PTPRZ1: variants seen among roughly 807,000 people sequenced by gnomAD.
PTPRZ1 encodes protein tyrosine phosphatase receptor type Z1.
Under a neutral mutation model 214.1 loss-of-function variants are expected in PTPRZ1, and 82 were observed. The observed-to-expected ratio is 0.38, with a 90% CI of 0.32 to 0.46. The LOEUF (loss-of-function observed/expected upper bound fraction) is 0.46. Ranked by LOEUF, PTPRZ1 falls within the 20% of genes least tolerant of loss-of-function variation. The probability of loss-of-function intolerance (pLI) is 1.00; values close to 1 mark genes in which losing one functional copy is unlikely to be tolerated. For synonymous variants in PTPRZ1, 945 were observed against 987.9 expected (o/e 0.96, Z 0.81); for missense variants, 2,603 against 2,748.7 (o/e 0.95, Z 1.19).
intron 3 of PTPRZ1, among the ~76,000 whole-genome samples, chr7:121,971,205 G>C (rs1797235485): frequency 6.6e-6 from 1 of 152,032 alleles, no homozygotes; most frequent in Non-Finnish European, 1.5e-5. Context: ...GGGAACCTCT[G>C]CTTTATTATA....
At chr7:122,032,326 A>T (rs952567521) in intron 15 of PTPRZ1, among the ~76,000 whole-genome samples, 2 of 152,208 alleles carry the variant, frequency 1.3e-5, no homozygotes, top group African/African-American at 4.8e-5. Context: ...TATTATTTCT[A>T]TTCATATTAT....
At chr7:121,881,196 A>C (rs1357705963) in intron 1 of PTPRZ1, among the ~76,000 whole-genome samples, 3 of 152,246 alleles carry the variant, frequency 2.0e-5, no homozygotes, top group African/African-American at 7.2e-5. Flanking sequence ...ATGTAAAGAC[A>C]CAGCAAGAAG....
chr7:121,927,110 G>A (rs1490713587), intron 1 of PTPRZ1, among the ~76,000 whole-genome samples: 1 of 152,044 alleles, frequency 6.6e-6, no homozygotes, highest in Non-Finnish European at 1.5e-5. Flanking sequence ...ATCCAATAGA[G>A]AAAACAAATG....
rs375326217 is a variant in PTPRZ1, at chr7:121,983,929, T to C, written c.778-38T>C. On this transcript the variant is annotated intron_variant, in intron 7 of 29. Coordinates refer to ENST00000393386, the MANE Select transcript of PTPRZ1 (RefSeq NM_002851.3). ...ATTTTAAAGCATTTACCAATGCCTT[T>C]GAAGCAGATATGTTAAATTATTTGA... is the stretch of plus-strand genomic sequence containing the variant. The C allele has an allele frequency of 1.9e-6, 3 of 1,603,694 alleles. No homozygotes were observed. The African/African-American group carries it at 4.0e-5, about 22-fold the overall frequency.
rs1365503014 is a variant in PTPRZ1, at chr7:121,967,958, G to A, written c.132G>A (p.Leu44=). ...EEIGWSYTGA[L]NQKNWGKKYP... is the part of the protein sequence containing the mutation. ...ACTCCTTCTTTTCCCTAGGAGCACTGAATCAAAAAAATTGGGGAAAGAAAT... is the reference window on the plus strand; with the variant it reads ...ACTCCTTCTTTTCCCTAGGAGCACTAAATCAAAAAAATTGGGGAAAGAAAT... The change falls in exon 3 of 30, where the codon CTG becomes CTA. Residue 44 remains leucine (L), a synonymous_variant. Transcript: ENST00000393386. The A allele has an allele frequency of 2.5e-6, 4 of 1,570,638 alleles. No individual in the cohort carries two copies. Among genetic ancestry groups the A allele is most frequent in the Non-Finnish European group, 3.5e-6 (4 of 1,149,478 alleles).
chr7:122,001,100 T>C (rs1798309406), intron 10 of PTPRZ1, among the ~76,000 whole-genome samples: 1 of 152,186 alleles, frequency 6.6e-6, no homozygotes, highest in Admixed American at 6.5e-5. Flanking sequence ...GCTTACATTA[T>C]TCTTTGTACC....
chr7:121,919,769 G>A (rs1206496), intron 1 of PTPRZ1, among the ~76,000 whole-genome samples: 3,767 of 151,646 alleles, frequency 0.025, 117 homozygotes, highest in African/African-American at 0.065. Context: ...ATCTATAGTA[G>A]GTTCTATGTT....
chr7:122,025,164 A>C (rs554097184), intron 13 of PTPRZ1, among the ~76,000 whole-genome samples: 1 of 152,172 alleles, frequency 6.6e-6, no homozygotes, highest in Non-Finnish European at 1.5e-5. Context: ...TCTTTTAAAA[A>C]TGTAATAAAG....
At chr7:122,004,688 G>A in intron 11 of PTPRZ1, 28 bp downstream of exon 11, 1 of 1,217,332 alleles carries the variant, frequency 8.2e-7, no homozygotes, top group South Asian at 1.4e-5. Context: ...ATATTCAAAT[G>A]TTTTAATATT....
intron 13 of PTPRZ1, chr7:122,028,295 C>G: frequency 3.1e-6 from 1 of 317,648 alleles, no homozygotes. Flanking sequence ...GCTACAACTT[C>G]AAATTCTGTC....
chr7:121,969,406 A>T (rs1190916909), intron 3 of PTPRZ1, among the ~76,000 whole-genome samples: 1 of 151,924 alleles, frequency 6.6e-6, no homozygotes, highest in African/African-American at 2.4e-5. Context: ...TACTAAAAAT[A>T]AAAAAATTAG....
intron 1 of PTPRZ1, among the ~76,000 whole-genome samples, chr7:121,891,554 A>T (rs1447354640): frequency 1.4e-5 from 2 of 143,872 alleles, no homozygotes; most frequent in Non-Finnish European, 3.0e-5. Flanking sequence ...GCCATATATA[A>T]CTTGCATTGT....
intron 27 of PTPRZ1, among the ~76,000 whole-genome samples, chr7:122,055,584 C>T (rs1251234719): frequency 1.3e-5 from 2 of 151,778 alleles, no homozygotes; most frequent in East Asian, 3.9e-4. Context: ...TGAAAACACA[C>T]AGGACAATAA....
At position 122,039,542 on chromosome 7, in the gene PTPRZ1, A is replaced by G. The variant is rs1799651830; in HGVS notation, c.5591A>G (p.Tyr1864Cys). The G allele has an allele frequency of 1.2e-6, 2 of 1,613,920 alleles. No individual in the cohort carries two copies. The highest frequency in any genetic ancestry group is 1.3e-5 in the African/African-American group (1 of 74,922). ...CAGAAGAGTGTGCAAGTGCTTGCCTATTATACTGTGAGGAATTTTACTCTA... is the reference window on the plus strand; with the variant it reads ...CAGAAGAGTGTGCAAGTGCTTGCCTGTTATACTGTGAGGAATTTTACTCTA... ...VTQKSVQVLA[Y>C]YTVRNFTLRN... The change falls in exon 20 of 30, where the codon TAT becomes TGT. Residue 1864 changes from tyrosine to cysteine, a missense_variant. By Grantham distance (194) the Tyr-to-Cys change is radical. Coordinates refer to ENST00000393386, the MANE Select transcript of PTPRZ1 (RefSeq NM_002851.3).
At chr7:122,032,042 C>A (rs1188790114) in intron 15 of PTPRZ1, 1 of 151,966 alleles carries the variant, frequency 6.6e-6, no homozygotes, top group Non-Finnish European at 1.5e-5. Flanking sequence ...ATATGCATTT[C>A]TAAAAAAAAT....
Position 122,012,682 on chromosome 7 carries a change from C to T in PTPRZ1, c.3636C>T (p.Pro1212=), listed in dbSNP as rs1027423603. 1.9e-6 allele frequency: 3 copies of T among 1,611,788 alleles called. No individual in the cohort carries two copies. In the African/African-American group the frequency reaches 4.0e-5, roughly 22 times the overall value. Residue 1212 remains proline (P), a synonymous_variant, in exon 12 of 30, where the codon CCC becomes CCT. Coordinates refer to ENST00000393386, the MANE Select transcript of PTPRZ1 (RefSeq NM_002851.3). ...GTGATCCAATATTGGTTGAAACCCC[C>T]AAAGTTGATAAAATTAGTTCTACAA... ...VPSDPILVET[P]KVDKISSTML...
At chr7:121,877,585 A>G (rs969523415) in intron 1 of PTPRZ1, among the ~76,000 whole-genome samples, 1 of 152,158 alleles carries the variant, frequency 6.6e-6, no homozygotes, top group Non-Finnish European at 1.5e-5. Flanking sequence ...CTACTCATTC[A>G]CTAGATGTTC....
At chr7:122,047,865 G>A (rs1033093349) in intron 23 of PTPRZ1, among the ~76,000 whole-genome samples, 33 of 152,164 alleles carry the variant, frequency 2.2e-4, no homozygotes, top group Middle Eastern at 3.4e-3. Flanking sequence ...ATGTTGCCCA[G>A]ATGGTTTCGA....
intron 1 of PTPRZ1, among the ~76,000 whole-genome samples, chr7:121,903,049 C>T (rs1795015893): frequency 6.6e-6 from 1 of 151,998 alleles, no homozygotes; most frequent in African/African-American, 2.4e-5. Flanking sequence ...TAATATGGAA[C>T]ATTTACATGT....
Sources: gnomAD v4.1 joint callset for allele counts (sites outside exome capture counted in the v4.1 genomes callset) on GRCh38, gnomAD v4.1.1 for gene constraint, MANE v1.5 for transcripts, NCBI Gene and HGNC (gene_info 2026-07-23, HGNC 2026-07-21) for gene names.